The following CD83 variants were observed in gnomAD, a reference collection of about 807,000 sequenced individuals.
CD83 encodes the protein CD83 antigen.
In CD83, 22 loss-of-function variants were observed where a neutral mutation model predicts 24.6. The observed-to-expected ratio is 0.90, with a 90% CI of 0.64 to 1.28. The LOEUF is 1.28. CD83 is among the 50% of genes most tolerant of loss of function. The probability of loss-of-function intolerance (pLI) is 0.00; values close to 1 mark genes in which losing one functional copy is unlikely to be tolerated. For synonymous variants in CD83, 101 were observed against 103.5 expected, an observed-to-expected ratio of 0.98 and a Z score of 0.14; for missense variants, 253 against 252.8, an observed-to-expected ratio of 1.00 and a Z score of -0.01.
intron 2 of CD83, among the ~76,000 whole-genome samples, chr6:14,125,549 G>T (rs2113392959): frequency 6.6e-6 from 1 of 152,302 alleles, no homozygotes; most frequent in East Asian, 1.9e-4. Context: ...TGGGTCACGT[G>T]CCTATCAGAG....
chr6:14,133,610 C>T, intron 3 of CD83, 39 bp from the exon 4 acceptor site: 1 of 1,375,012 alleles, frequency 7.3e-7, no homozygotes, highest in Non-Finnish European at 1.0e-6. Flanking sequence ...TAGAAAAATC[C>T]TGTTAAAATG....
Position 14,133,757 on chromosome 6 carries a change from T to C in CD83, c.489+2T>C. 1 of 1,580,690 alleles carries C rather than the reference T, an allele frequency of 6.3e-7. No homozygotes were observed. The highest frequency in any genetic ancestry group is 8.7e-7 in the Non-Finnish European group (1 of 1,153,206). ...TTAACACTCATCATTTTCACTTGTG[T>C]AAGTATCTTCTTAAAACATCTTCTC... On this transcript the variant is annotated splice_donor_variant, in intron 4 of 4. Coordinates refer to ENST00000379153, the MANE Select transcript of CD83 (RefSeq NM_004233.4). LOFTEE classifies it high-confidence loss of function.
intron 2 of CD83, among the ~76,000 whole-genome samples, chr6:14,121,616 C>CAA (rs57805122): frequency 4.1e-4 from 22 of 53,792 alleles, no homozygotes; most frequent in African/African-American, 1.1e-3. Context: ...CTGTCTCTAC[C>CAA]AAAAAAAAAA....
intron 2 of CD83, among the ~76,000 whole-genome samples, chr6:14,120,127 C>A (rs1441748838): frequency 6.6e-5 from 10 of 152,134 alleles, no homozygotes; most frequent in Non-Finnish European, 1.3e-4. Context: ...AAAAGTCATA[C>A]CGTAGTTATT....
upstream of CD83, chr6:14,117,399 C>T (rs1247441130): frequency 1.3e-5 from 2 of 152,168 alleles, no homozygotes; most frequent in Non-Finnish European, 2.9e-5. This position sits in a 1 kb window ranked among gnomAD's most constrained non-coding sequence, Gnocchi z 4.6. Flanking sequence ...TCGGATGGCC[C>T]GGTTCCCGGC....
At chr6:14,118,163 G>A in intron 2 of CD83, 98 bp downstream of exon 2, 2 of 811,670 alleles carry the variant, frequency 2.5e-6, no homozygotes, top group Non-Finnish European at 3.7e-6. Flanking sequence ...TGGCTGCCAG[G>A]TGGGGGCGAG....
intron 2 of CD83, among the ~76,000 whole-genome samples, chr6:14,119,881 G>A (rs1759631826): frequency 6.6e-6 from 1 of 152,248 alleles, no homozygotes; most frequent in African/African-American, 2.4e-5. Flanking sequence ...CAGTTCTGGA[G>A]TGAAAGCTTC....
At chr6:14,118,168 G>T in intron 2 of CD83, 103 bp downstream of exon 2, 1 of 742,064 alleles carries the variant, frequency 1.3e-6, no homozygotes, top group Non-Finnish European at 2.1e-6. Flanking sequence ...GCCAGGTGGG[G>T]GCGAGGGGCG....
chr6:14,126,735 T>A (rs1759825174), intron 2 of CD83, among the ~76,000 whole-genome samples: 1 of 152,206 alleles, frequency 6.6e-6, no homozygotes, highest in South Asian at 2.1e-4. Context: ...GAGCTGTTTT[T>A]ATGATGAATG....
chr6:14,118,791 G>A (rs575338923), intron 2 of CD83, among the ~76,000 whole-genome samples: 1 of 152,316 alleles, frequency 6.6e-6, no homozygotes, highest in Non-Finnish European at 1.5e-5. Context: ...CAGATTCTAA[G>A]ATGGCAATGA....
intron 2 of CD83, among the ~76,000 whole-genome samples, chr6:14,126,667 A>G (rs1016162208): frequency 6.6e-6 from 1 of 152,226 alleles, no homozygotes; most frequent in Non-Finnish European, 1.5e-5. Context: ...TAATGCTCAT[A>G]CATTCTACCC....
chr6:14,129,833 CTGTGTGTGTGTG>C lies in CD83; in HGVS notation c.154-1667_154-1656del, dbSNP rs58361945. Among the ~76,000 whole-genome samples the C allele has an allele frequency of 1.3e-3, 185 of 147,800 alleles. No individual in the cohort carries two copies. Among genetic ancestry groups the C allele is most frequent in the African/African-American group, 3.8e-3 (155 of 40,388 alleles). On this transcript the variant is annotated intron_variant, in intron 2 of 4. Coordinates refer to ENST00000379153, the MANE Select transcript of CD83 (RefSeq NM_004233.4). The surrounding 1 kb of genome is among the most constrained non-coding windows in gnomAD (Gnocchi z 4.3). The stretch of plus-strand genomic sequence containing the variant: ...GAATTAATAAATGAAGCAGAAATGA[CTGTGTGTGTGTG>C]TGTGTGTGTGTGTGTGTGTATACGA...
At chr6:14,134,590 CCTCTCTGGCTGTGCACTCAT>C (rs1406686530) in intron 4 of CD83, among the ~76,000 whole-genome samples, 2 of 152,196 alleles carry the variant, frequency 1.3e-5, no homozygotes, top group African/African-American at 4.8e-5. Flanking sequence ...CACTTACTTG[CCTCTCTGGCTGTGCACTCAT>C]CTCTCTGGTT....
chr6:14,117,499 C>T (rs372220092), upstream of CD83: 5 of 151,076 alleles, frequency 3.3e-5, no homozygotes, highest in East Asian at 7.8e-4. This position sits in a 1 kb window ranked among gnomAD's most constrained non-coding sequence, Gnocchi z 4.6. Flanking sequence ...TTGCTGTCGC[C>T]GCTGCCAGCC....
At chr6:14,124,708 A>C (rs1408730596) in intron 2 of CD83, among the ~76,000 whole-genome samples, 1 of 152,218 alleles carries the variant, frequency 6.6e-6, no homozygotes, top group Non-Finnish European at 1.5e-5. Context: ...AAAGAGAAGG[A>C]AATATATTGG....
chr6:14,126,728 CTGT>C (rs1759824903), intron 2 of CD83, among the ~76,000 whole-genome samples: 1 of 152,120 alleles, frequency 6.6e-6, no homozygotes, highest in Non-Finnish European at 1.5e-5. Flanking sequence ...TTATAAAGAG[CTGT>C]TTTTATGATG....
intron 4 of CD83, 119 bp from the exon 5 acceptor site, chr6:14,134,989 G>A (rs1350533454): frequency 3.2e-5 from 30 of 929,016 alleles, no homozygotes; most frequent in South Asian, 7.5e-5. Context: ...GAGGCAGTGA[G>A]TATGAGAGCT....
chr6:14,118,227 C>T (rs528793493), intron 2 of CD83, among the ~76,000 whole-genome samples, 162 bp downstream of exon 2: 2 of 152,212 alleles, frequency 1.3e-5, no homozygotes, highest in South Asian at 2.1e-4. Context: ...GCGCCTCCCC[C>T]ACCCCATCCG....
rs1218305589 is a variant in CD83 at position 14,129,722 on chromosome 6, A to G, written c.154-1798A>G. On this transcript the variant is annotated intron_variant, in intron 2 of 4. Coordinates refer to ENST00000379153, the MANE Select transcript of CD83 (RefSeq NM_004233.4). The surrounding 1 kb of genome is among the most constrained non-coding windows in gnomAD (Gnocchi z 4.3). ...GCAGGAGCGATCAATCTGCCACCAG[A>G]TGTCTCTGTAGCCCACTCTACAGGA... 6.6e-6 allele frequency among the ~76,000 whole-genome samples: 1 copy of G among 152,124 alleles called. No homozygotes were observed.
Sources: allele counts gnomAD v4.1 joint callset (sites outside exome capture counted in the v4.1 genomes callset), GRCh38; gene constraint gnomAD v4.1.1; non-coding constraint Gnocchi (gnomAD v3.1); transcripts MANE v1.5; gene names NCBI Gene and HGNC (gene_info 2026-07-23, HGNC 2026-07-21).